RORA: variants seen among roughly 807,000 people sequenced by gnomAD.
RORA encodes RAR related orphan receptor A.
Under a neutral mutation model 69.5 loss-of-function variants are expected in RORA, and 7 were observed. The observed-to-expected ratio is 0.10, with a 90% CI of 0.06 to 0.19. RORA has a LOEUF of 0.19. Among genes scored for constraint, RORA ranks in the 10% least tolerant of loss-of-function variants. The pLI is 1.00. For synonymous variants in RORA, 261 were observed against 240.8 expected, an observed-to-expected ratio of 1.08 and a Z score of -0.78; for missense variants, 457 against 663.0, an observed-to-expected ratio of 0.69 and a Z score of 3.41.
chr15:61,147,030 G>T lies in RORA; in HGVS notation c.166+82023C>A, dbSNP rs532592250. Among the ~76,000 whole-genome samples the T allele has an allele frequency of 6.6e-6, 1 of 151,592 alleles. No homozygotes were observed. The highest frequency in any genetic ancestry group is 1.9e-4 in the East Asian group (1 of 5,132). On this transcript the variant is annotated intron_variant, in intron 1 of 10. Coordinates refer to ENST00000335670, the MANE Select transcript of RORA (RefSeq NM_134261.3). This position sits in a 1 kb window ranked among gnomAD's most constrained non-coding sequence, Gnocchi z 4.1. ...CTATTCATGGTGGGGGGCAGTCACG[G>T]GGGAACTAAATGGATTCCATTTCCT...
intron 1 of RORA, among the ~76,000 whole-genome samples, chr15:61,227,779 T>A (rs2080161236): frequency 6.6e-6 from 1 of 152,084 alleles, no homozygotes; most frequent in South Asian, 2.1e-4. Flanking sequence ...ATCCTCTCCG[T>A]CCCCAGCTCC....
At chr15:60,828,692 A>G (rs2072998744) in intron 1 of RORA, among the ~76,000 whole-genome samples, 1 of 152,170 alleles carries the variant, frequency 6.6e-6, no homozygotes, top group Non-Finnish European at 1.5e-5. Flanking sequence ...CTTCGGAAGA[A>G]AGTAATAAAA....
chr15:60,715,657 CT>C, intron 1 of RORA, among the ~76,000 whole-genome samples: 1 of 152,156 alleles, frequency 6.6e-6, no homozygotes, highest in Non-Finnish European at 1.5e-5. Context: ...ATTGGGGTTC[CT>C]TTAGCTTTCC....
chr15:61,159,367 T>C (rs1305786910), intron 1 of RORA, among the ~76,000 whole-genome samples: 1 of 152,178 alleles, frequency 6.6e-6, no homozygotes, highest in Non-Finnish European at 1.5e-5. Context: ...AATTTAACCC[T>C]GAAAATGTAC....
At chr15:60,919,380 T>TA (rs1372761557) in intron 1 of RORA, among the ~76,000 whole-genome samples, 1 of 152,168 alleles carries the variant, frequency 6.6e-6, no homozygotes, top group Non-Finnish European at 1.5e-5. Flanking sequence ...ACAAAGCAGA[T>TA]AAATGGCAGA....
At chr15:61,046,161 G>C (rs1897011184) in intron 1 of RORA, among the ~76,000 whole-genome samples, 1 of 152,180 alleles carries the variant, frequency 6.6e-6, no homozygotes, top group African/African-American at 2.4e-5. Flanking sequence ...ATGGGAGAGG[G>C]AAAGGAGGGC....
intron 1 of RORA, among the ~76,000 whole-genome samples, chr15:60,946,697 G>C (rs974325758): frequency 1.3e-5 from 2 of 152,092 alleles, no homozygotes; most frequent in East Asian, 1.9e-4. Flanking sequence ...CACCCCGTCT[G>C]GGAAGTGAGG....
At chr15:60,947,227 C>T (rs1436731956) in intron 1 of RORA, among the ~76,000 whole-genome samples, 16 of 151,192 alleles carry the variant, frequency 1.1e-4, no homozygotes, top group Non-Finnish European at 1.8e-4. Flanking sequence ...GCCATGATGA[C>T]GATGGCGGTT....
At chr15:60,501,288 T>G (rs150264217) in intron 8 of RORA, among the ~76,000 whole-genome samples, 4 of 152,312 alleles carry the variant, frequency 2.6e-5, no homozygotes, top group African/African-American at 7.2e-5. Flanking sequence ...AAAATCTGTT[T>G]AGTCATCACC....
At chr15:60,765,664 C>T (rs946592843) in intron 1 of RORA, 1 of 152,182 alleles carries the variant, frequency 6.6e-6, no homozygotes, top group Non-Finnish European at 1.5e-5. Flanking sequence ...AATCCTTCCA[C>T]TTTCCTCCTC....
intron 1 of RORA, among the ~76,000 whole-genome samples, chr15:61,165,224 A>G (rs2079531139): frequency 6.6e-6 from 1 of 152,256 alleles, no homozygotes; most frequent in East Asian, 1.9e-4. Context: ...ATCTGGGGGC[A>G]TAAGCCAGTT....
At chr15:61,030,961 T>C (rs910566111) in intron 1 of RORA, among the ~76,000 whole-genome samples, 4 of 152,208 alleles carry the variant, frequency 2.6e-5, no homozygotes, top group Non-Finnish European at 5.9e-5. Flanking sequence ...TATGCACACA[T>C]ACACATGTAT....
At chr15:60,682,800 C>T (rs2070664640) in intron 1 of RORA, among the ~76,000 whole-genome samples, 1 of 152,114 alleles carries the variant, frequency 6.6e-6, no homozygotes, top group African/African-American at 2.4e-5. Context: ...AAGATCCTTC[C>T]CCAGAGATTC....
chr15:60,698,594 A>C (rs1462536904), intron 1 of RORA, among the ~76,000 whole-genome samples: 1 of 151,304 alleles, frequency 6.6e-6, no homozygotes, highest in Non-Finnish European at 1.5e-5. Context: ...TTCTACTATA[A>C]ATATCCTTGT....
At chr15:60,719,058 G>A (rs900856763) in intron 1 of RORA, among the ~76,000 whole-genome samples, 2 of 38,214 alleles carry the variant, frequency 5.2e-5, no homozygotes, top group Non-Finnish European at 9.8e-5. Flanking sequence ...GTGTGTGTGT[G>A]GCATTTCTAG....
chr15:61,058,106 C>T (rs1348787757), intron 1 of RORA, among the ~76,000 whole-genome samples: 3 of 151,988 alleles, frequency 2.0e-5, no homozygotes, highest in African/African-American at 7.3e-5. Context: ...TTTAATCAGA[C>T]TGTGATGAGG....
At chr15:60,829,611 G>A (rs1010150833) in intron 1 of RORA, among the ~76,000 whole-genome samples, 2 of 152,158 alleles carry the variant, frequency 1.3e-5, no homozygotes, top group Non-Finnish European at 2.9e-5. Context: ...GACAGCACAT[G>A]GAAAGAGTTT....
intron 2 of RORA, among the ~76,000 whole-genome samples, chr15:60,658,824 G>T (rs561515418): frequency 1.2e-4 from 19 of 152,288 alleles, no homozygotes; most frequent in African/African-American, 4.6e-4. Context: ...TATTTCAATT[G>T]TGATGTTTGG....
chr15:60,857,772 G>A (rs138426288), intron 1 of RORA, among the ~76,000 whole-genome samples: 5 of 152,310 alleles, frequency 3.3e-5, no homozygotes, highest in East Asian at 3.9e-4. Flanking sequence ...GATTAGTACC[G>A]AAGAGAAGCT....
Sources: allele counts gnomAD v4.1 joint callset (sites outside exome capture counted in the v4.1 genomes callset), GRCh38; gene constraint gnomAD v4.1.1; non-coding constraint Gnocchi (gnomAD v3.1); transcripts MANE v1.5; gene names NCBI Gene and HGNC (gene_info 2026-07-23, HGNC 2026-07-21).